MSH3: variants seen among roughly 807,000 people sequenced by gnomAD.
The protein encoded by MSH3 is DNA mismatch repair protein Msh3.
MSH3 carries 106 observed loss-of-function variants against 123.3 expected under a neutral mutation model. That is an observed-to-expected ratio of 0.86 (90% CI 0.73 to 1.01). The LOEUF (loss-of-function observed/expected upper bound fraction) is 1.01. Ranked by LOEUF, MSH3 falls within the 50% of genes least tolerant of loss-of-function variation. MSH3 has a pLI of 0.00. For missense variants in MSH3, 1,459 were observed against 1,347.6 expected, an observed-to-expected ratio of 1.08 and a Z score of -1.29; for synonymous variants, 515 against 481.4, an observed-to-expected ratio of 1.07 and a Z score of -0.91.
intron 10 of MSH3, among the ~76,000 whole-genome samples, chr5:80,732,177 A>G (rs1245812980): frequency 6.6e-6 from 1 of 152,200 alleles, no homozygotes; most frequent in Non-Finnish European, 1.5e-5. Flanking sequence ...GAGGGATATT[A>G]TTTATTATAA....
chr5:80,742,686 G>C (rs988449040), intron 11 of MSH3, among the ~76,000 whole-genome samples: 1 of 151,978 alleles, frequency 6.6e-6, no homozygotes, highest in Non-Finnish European at 1.5e-5. Context: ...ATGTATTTTT[G>C]TTCAGTAACA....
intron 21 of MSH3, among the ~76,000 whole-genome samples, chr5:80,858,812 C>G (rs1046607870): frequency 6.6e-6 from 1 of 152,132 alleles, no homozygotes; most frequent in South Asian, 2.1e-4. Context: ...TTTGATATCT[C>G]TAACTATAGT....
intron 23 of MSH3, among the ~76,000 whole-genome samples, chr5:80,874,984 T>G (rs1746280612): frequency 6.6e-6 from 1 of 152,226 alleles, no homozygotes; most frequent in South Asian, 2.1e-4. Context: ...TTTGGCCAGA[T>G]CAAAGAAATC....
intron 8 of MSH3, among the ~76,000 whole-genome samples, chr5:80,679,482 G>A (rs1201048694): frequency 6.6e-6 from 1 of 152,166 alleles, no homozygotes; most frequent in Non-Finnish European, 1.5e-5. Flanking sequence ...TGATAATTAT[G>A]GGGTTTATGA....
intron 2 of MSH3, among the ~76,000 whole-genome samples, chr5:80,660,863 T>C (rs142872360): frequency 0.017 from 2,534 of 152,236 alleles, 66 homozygotes; most frequent in African/African-American, 0.058. Flanking sequence ...AGTGGCACAA[T>C]CTCAGCTGAC....
At chr5:80,748,290 A>G (rs1204051393) in intron 12 of MSH3, among the ~76,000 whole-genome samples, 1 of 152,184 alleles carries the variant, frequency 6.6e-6, no homozygotes, top group Non-Finnish European at 1.5e-5. Context: ...CAAGTTTCAG[A>G]AGACTTTCCA....
intron 3 of MSH3, among the ~76,000 whole-genome samples, chr5:80,669,546 T>C (rs1650652): frequency 0.28 from 42,216 of 152,144 alleles, 6,104 homozygotes; most frequent in Middle Eastern, 0.35. Context: ...CTGTAAATTT[T>C]TTAACAGCTC....
Position 80,670,251 on chromosome 5 carries a change from A to G in MSH3, c.734A>G (p.Asp245Gly), listed in dbSNP as rs1463692245. 1 of 1,614,114 alleles carries G rather than the reference A, an allele frequency of 6.2e-7. No individual in the cohort carries two copies. Among genetic ancestry groups the G allele is most frequent in the Admixed American group, 1.7e-5 (1 of 60,022 alleles). The change falls in exon 4 of 24, where the codon GAT becomes GGT. Residue 245 changes from aspartate (D) to glycine (G), a missense_variant. Asp to Gly is a moderately conservative substitution (Grantham distance 94). Transcript: ENST00000265081. ...QYIEMKQQHK[D>G]AVLCVECGYK... ...ATAGAAATGAAGCAGCAGCACAAAG[A>G]TGCAGTTTTGTGTGTGGAATGTGGA...
chr5:80,827,016 A>G (rs969203434), intron 20 of MSH3, among the ~76,000 whole-genome samples: 1 of 152,150 alleles, frequency 6.6e-6, no homozygotes, highest in Non-Finnish European at 1.5e-5. Context: ...CTAGACCCAT[A>G]TTTCCAAGGA....
intron 8 of MSH3, among the ~76,000 whole-genome samples, chr5:80,715,835 A>G (rs1422859550): frequency 6.6e-6 from 1 of 152,182 alleles, no homozygotes; most frequent in African/African-American, 2.4e-5. Context: ...GTCCACTCCC[A>G]TGATCCAGTC....
chr5:80,678,525 G>T (rs985632922), intron 7 of MSH3, among the ~76,000 whole-genome samples: 1 of 152,198 alleles, frequency 6.6e-6, no homozygotes, highest in Admixed American at 6.5e-5. Flanking sequence ...TATTTGTACA[G>T]TGCTTTATAG....
chr5:80,752,842 A>G (rs1743860569), intron 12 of MSH3, among the ~76,000 whole-genome samples: 1 of 152,310 alleles, frequency 6.6e-6, no homozygotes, highest in African/African-American at 2.4e-5. Context: ...GTCTATGTGT[A>G]TCAACATGGA....
chr5:80,813,661 G>A lies in MSH3; in HGVS notation c.2733G>A (p.Leu911=), dbSNP rs778486849. ...GKSSYIKQVA[L]ITIMAQIGSY... ...GCTCCTACATAAAACAAGTTGCATT[G>A]ATTACCATCATGGCTCAGATTGGCT... The change falls in exon 20 of 24, where the codon TTG becomes TTA. Residue 911 remains leucine (L), a synonymous_variant. Coordinates refer to ENST00000265081, the MANE Select transcript of MSH3 (RefSeq NM_002439.5). 6.2e-7 allele frequency: 1 copy of A among 1,614,138 alleles called. No individual in the cohort carries two copies. The highest frequency in any genetic ancestry group is 1.1e-5 in the South Asian group (1 of 91,088).
chr5:80,745,981 GTT>G (rs1426797689), intron 12 of MSH3, among the ~76,000 whole-genome samples: 1 of 146,764 alleles, frequency 6.8e-6, no homozygotes, highest in Admixed American at 6.8e-5. Flanking sequence ...TCTTTTGCAA[GTT>G]TTTTTTTTTA....
chr5:80,677,136 T>C (rs1026033801), intron 7 of MSH3, among the ~76,000 whole-genome samples: 9 of 152,226 alleles, frequency 5.9e-5, no homozygotes, highest in African/African-American at 1.9e-4. Context: ...ATTGATCTTA[T>C]CTTCTTTTAC....
chr5:80,823,686 T>G (rs535296994), intron 20 of MSH3, among the ~76,000 whole-genome samples: 2 of 152,136 alleles, frequency 1.3e-5, no homozygotes, highest in Admixed American at 1.3e-4. Context: ...AGAAATCTTT[T>G]TTTGTTTTGT....
intron 15 of MSH3, among the ~76,000 whole-genome samples, chr5:80,770,221 T>A (rs1356326518): frequency 6.6e-6 from 1 of 152,106 alleles, no homozygotes; most frequent in Non-Finnish European, 1.5e-5. Context: ...CTGCTTTAGT[T>A]ACTTTAATAA....
chr5:80,772,546 T>C lies in MSH3; in HGVS notation c.2254-3148T>C, dbSNP rs186285476. The stretch of plus-strand genomic sequence containing the variant: ...CCAGGAGAAGAATATGAGAGATTGC[T>C]TATAATGAATCAAGGCAGACTACTC... On this transcript the variant is annotated intron_variant, in intron 15 of 23. Transcript: ENST00000265081. Among the ~76,000 whole-genome samples, 261 of 152,176 alleles carry C rather than the reference T, an allele frequency of 1.7e-3. 1 individual carries two copies. Among genetic ancestry groups the C allele is most frequent in the African/African-American group, 6.1e-3 (255 of 41,510 alleles).
chr5:80,819,444 A>ATGTGTG (rs1160637674), intron 20 of MSH3, among the ~76,000 whole-genome samples: 5 of 47,032 alleles, frequency 1.1e-4, no homozygotes, highest in East Asian at 3.3e-3. Flanking sequence ...ATATATATGT[A>ATGTGTG]TATGTGTGTG....
Sources: allele counts gnomAD v4.1 joint callset (sites outside exome capture counted in the v4.1 genomes callset), GRCh38; gene constraint gnomAD v4.1.1; transcripts MANE v1.5; gene names NCBI Gene and HGNC (gene_info 2026-07-23, HGNC 2026-07-21).